EPB41L4B: variants seen among roughly 807,000 people sequenced by gnomAD.
EPB41L4B encodes erythrocyte membrane protein band 4.1 like 4B.
Under a neutral mutation model 112.5 loss-of-function variants are expected in EPB41L4B, and 30 were observed. The ratio of observed to expected loss-of-function variants is 0.27; its 90% CI spans 0.20 to 0.36. EPB41L4B has a LOEUF of 0.36. EPB41L4B is among the 10% of genes least tolerant of loss of function. EPB41L4B has a pLI of 1.00. For synonymous variants in EPB41L4B, 408 were observed against 439.7 expected, an observed-to-expected ratio of 0.93 and a Z score of 0.90; for missense variants, 1,024 against 1,133.3, an observed-to-expected ratio of 0.90 and a Z score of 1.38.
intron 19 of EPB41L4B, 121 bp from the exon 20 acceptor site, chr9:109,200,455 A>AT (rs1022143171): frequency 7.6e-5 from 48 of 631,436 alleles, no homozygotes; most frequent in Middle Eastern, 5.2e-4. Context: ...CAAGAAATCC[A>AT]TTTTTTTTGC....
chr9:109,213,941 G>A, intron 16 of EPB41L4B, 123 bp from the exon 17 acceptor site: 1 of 777,920 alleles, frequency 1.3e-6, no homozygotes, highest in South Asian at 1.6e-5. Context: ...TCCTCCAGCA[G>A]CTCTCATGCC....
chr9:109,190,154 G>A (rs1311318569), intron 22 of EPB41L4B, among the ~76,000 whole-genome samples: 1 of 152,190 alleles, frequency 6.6e-6, no homozygotes, highest in Admixed American at 6.5e-5. Flanking sequence ...ATGAAGGCAA[G>A]ATCTCCAGTT....
At chr9:109,224,462 T>C (rs1833694478) in intron 15 of EPB41L4B, among the ~76,000 whole-genome samples, 1 of 152,184 alleles carries the variant, frequency 6.6e-6, no homozygotes, top group South Asian at 2.1e-4. Flanking sequence ...TATTATATTA[T>C]TCCATTTATA....
At chr9:109,211,544 G>T (rs1160398120) in intron 17 of EPB41L4B, among the ~76,000 whole-genome samples, 1 of 148,488 alleles carries the variant, frequency 6.7e-6, no homozygotes, top group African/African-American at 2.5e-5. Context: ...GCAGTGAGCC[G>T]AGATCATGCC....
chr9:109,230,596 A>C (rs1833921356), intron 15 of EPB41L4B, among the ~76,000 whole-genome samples: 1 of 152,224 alleles, frequency 6.6e-6, no homozygotes, highest in African/African-American at 2.4e-5. Flanking sequence ...AATTTGGTAG[A>C]GACTAAACAG....
chr9:109,320,562 G>A lies in EPB41L4B; in HGVS notation c.-116C>T, dbSNP rs1251582930. The A allele has an allele frequency of 1.9e-4, 95 of 495,212 alleles. No homozygotes were observed. Among genetic ancestry groups the A allele is most frequent in the Non-Finnish European group, 2.3e-4 (90 of 386,006 alleles). The allele number at this position is 495,212 out of a possible 1,614,324, so 30.7% of individuals were successfully genotyped here. On this transcript the variant is annotated 5_prime_UTR_variant, in exon 1 of 26. Coordinates refer to ENST00000374566, the MANE Select transcript of EPB41L4B (RefSeq NM_019114.5). Reference sequence around the variant, plus strand: ...GCCGTCAGTGCCCTCGGCCGCCCGCGCCGCCTCTCGCGGGCTACGGCCCGG... The same window carrying A: ...GCCGTCAGTGCCCTCGGCCGCCCGCACCGCCTCTCGCGGGCTACGGCCCGG...
chr9:109,256,265 A>G (rs1344729921), intron 8 of EPB41L4B, 41 bp from the exon 9 acceptor site: 5 of 1,594,898 alleles, frequency 3.1e-6, no homozygotes, highest in Admixed American at 3.3e-5. Context: ...GGGTTCTAAC[A>G]GGTCGTCACA....
intron 9 of EPB41L4B, 80 bp from the exon 10 acceptor site, chr9:109,255,923 T>A: frequency 1.4e-6 from 2 of 1,412,006 alleles, no homozygotes. Flanking sequence ...CCTTTCTACT[T>A]TTAAAGCTTA....
intron 22 of EPB41L4B, among the ~76,000 whole-genome samples, chr9:109,188,575 A>G (rs1393738292): frequency 6.6e-6 from 1 of 152,220 alleles, no homozygotes; most frequent in Non-Finnish European, 1.5e-5. Flanking sequence ...GAACACAGCC[A>G]AAATCACAGA....
At position 109,199,926 on chromosome 9, in the gene EPB41L4B, G is replaced by A. The variant is rs139448766; in HGVS notation, c.2045+310C>T. On this transcript the variant is annotated intron_variant, in intron 20 of 25. Transcript: ENST00000374566. The stretch of plus-strand genomic sequence containing the variant: ...TTGAATGCAGCCTTGTAAGAGCCCC[G>A]GATACAGAAGACCCAGCTAAGCCAT... 2.2e-4 allele frequency among the ~76,000 whole-genome samples: 34 copies of A among 152,208 alleles called. No individual in the cohort carries two copies. In the East Asian group the frequency reaches 5.6e-3, roughly 25 times the overall value.
chr9:109,238,062 C>T (rs954783736), intron 15 of EPB41L4B, among the ~76,000 whole-genome samples: 3 of 152,102 alleles, frequency 2.0e-5, no homozygotes, highest in Non-Finnish European at 4.4e-5. Flanking sequence ...AGACCATAGG[C>T]TCTGGAATAC....
intron 18 of EPB41L4B, among the ~76,000 whole-genome samples, chr9:109,206,482 G>T (rs1436117765): frequency 6.6e-6 from 1 of 152,180 alleles, no homozygotes; most frequent in Non-Finnish European, 1.5e-5. Flanking sequence ...TGTGCCCAGG[G>T]TGAAGAAGAT....
At chr9:109,227,846 C>T (rs576166974) in intron 15 of EPB41L4B, among the ~76,000 whole-genome samples, 1 of 152,296 alleles carries the variant, frequency 6.6e-6, no homozygotes, top group South Asian at 2.1e-4. Flanking sequence ...TCCCCAAGTG[C>T]TGGGATTACA....
At chr9:109,243,212 C>CAAAA (rs58092749) in intron 15 of EPB41L4B, among the ~76,000 whole-genome samples, 7 of 52,286 alleles carry the variant, frequency 1.3e-4, no homozygotes, top group Non-Finnish European at 1.9e-4. Context: ...CCCACCCCCG[C>CAAAA]AAAAAAAAAA....
chr9:109,191,028 C>T (rs549712808), intron 22 of EPB41L4B, among the ~76,000 whole-genome samples: 22 of 152,302 alleles, frequency 1.4e-4, no homozygotes, highest in Middle Eastern at 3.4e-3. Context: ...ATCACCCTAC[C>T]AACAGGTAGG....
At position 109,271,266 on chromosome 9, in the gene EPB41L4B, C is replaced by T. The variant is rs568742744; in HGVS notation, c.412-2833G>A. ...CATCCTTCCTGCTCAGCCACAGAGC[C>T]CTGCCCAAAGCAGGACCTGCCAGGA... On this transcript the variant is annotated intron_variant, in intron 2 of 25. Transcript: ENST00000374566. Among the ~76,000 whole-genome samples, 12 of 152,314 alleles carry T rather than the reference C, an allele frequency of 7.9e-5. 1 individual carries two copies. The highest frequency in any genetic ancestry group is 2.9e-4 in the African/African-American group (12 of 41,572).
intron 17 of EPB41L4B, among the ~76,000 whole-genome samples, chr9:109,211,909 G>GGC (rs1253727548): frequency 6.6e-6 from 1 of 150,500 alleles, no homozygotes; most frequent in African/African-American, 2.4e-5. Context: ...AGAGATGGGG[G>GGC]GGGTCTCGCC....
intron 17 of EPB41L4B, among the ~76,000 whole-genome samples, chr9:109,210,450 T>G (rs1268229348): frequency 1.3e-5 from 2 of 152,182 alleles, no homozygotes; most frequent in Non-Finnish European, 2.9e-5. Flanking sequence ...GACAATTGCT[T>G]AAGGGGAAGT....
chr9:109,299,524 TTC>T (rs1836874264), intron 1 of EPB41L4B, among the ~76,000 whole-genome samples: 2 of 151,992 alleles, frequency 1.3e-5, no homozygotes, highest in Non-Finnish European at 2.9e-5. Flanking sequence ...CCCCAAGAGA[TTC>T]TCTTTCTTGC....
Sources: allele counts gnomAD v4.1 joint callset (sites outside exome capture counted in the v4.1 genomes callset), GRCh38; gene constraint gnomAD v4.1.1; transcripts MANE v1.5; gene names NCBI Gene and HGNC (gene_info 2026-07-23, HGNC 2026-07-21).